The following NELL2 variants were observed in gnomAD, a reference collection of about 807,000 sequenced individuals.
NELL2 encodes the protein protein kinase C-binding protein NELL2.
In NELL2, 41 loss-of-function variants were observed where a neutral mutation model predicts 109.6. That is an observed-to-expected ratio of 0.37 (90% confidence interval 0.29 to 0.49). The LOEUF is 0.49. Among genes scored for constraint, NELL2 ranks in the 20% least tolerant of loss-of-function variants. NELL2 has a pLI of 0.98. For synonymous variants in NELL2, 355 were observed against 344.7 expected (o/e 1.03, Z -0.33); for missense variants, 900 against 1,008.3 (o/e 0.89, Z 1.45).
At chr12:44,638,637 T>C (rs983461010) in intron 13 of NELL2, among the ~76,000 whole-genome samples, 11 of 152,178 alleles carry the variant, frequency 7.2e-5, no homozygotes, top group Non-Finnish European at 1.6e-4. Flanking sequence ...TTTTGAGTTG[T>C]AGAGGATTAA....
At chr12:44,876,943 C>A (rs569020639), upstream of NELL2, 1 of 1,192,258 alleles carries the variant, frequency 8.4e-7, no homozygotes, top group Non-Finnish European at 1.1e-6. Flanking sequence ...GCTTCCCCGG[C>A]GCGGAGAGCT....
chr12:44,769,129 G>A (rs1941449531), intron 9 of NELL2, among the ~76,000 whole-genome samples: 2 of 152,008 alleles, frequency 1.3e-5, no homozygotes, highest in South Asian at 4.1e-4. Flanking sequence ...CTAAGTACTT[G>A]AGCAGCAATC....
chr12:44,539,514 T>C (rs1942449652), intron 15 of NELL2, among the ~76,000 whole-genome samples: 1 of 152,196 alleles, frequency 6.6e-6, no homozygotes. Flanking sequence ...ATGTATGTAT[T>C]GTGCATATTT....
chr12:44,610,898 T>A lies in NELL2; in HGVS notation c.1517A>T (p.His506Leu), dbSNP rs758684454. 2 of 1,613,214 alleles carry A rather than the reference T, an allele frequency of 1.2e-6. No homozygotes were observed. Among genetic ancestry groups the A allele is most frequent in the Non-Finnish European group, 1.7e-6 (2 of 1,179,354 alleles). The stretch of plus-strand genomic sequence containing the variant: ...ATAGCCCGGCTTGCAAACACAGTTG[T>A]GTCCTCCAACAGTGTTGAAGCATAA... Reference protein sequence around the residue: ...NALCFNTVGGHNCVCKPGYTG... With the variant: ...NALCFNTVGGLNCVCKPGYTG... The change falls in exon 14 of 20, where the codon CAC becomes CTC. Residue 506 changes from histidine to leucine, a missense_variant. By Grantham distance (99) the His-to-Leu change is moderately conservative. This residue lies in a region of NELL2 where 333 missense variants were observed against 432.3 expected (regional missense o/e 0.77). Transcript: ENST00000429094.
chr12:44,668,193 T>C (rs1948002869), intron 12 of NELL2, among the ~76,000 whole-genome samples: 1 of 152,036 alleles, frequency 6.6e-6, no homozygotes, highest in South Asian at 2.1e-4. Context: ...CCACACAATG[T>C]CCTACACACT....
chr12:44,831,753 A>G (rs1943894296), intron 2 of NELL2, among the ~76,000 whole-genome samples: 1 of 152,234 alleles, frequency 6.6e-6, no homozygotes, highest in Non-Finnish European at 1.5e-5. Context: ...AATGTCCTCC[A>G]TGAGGAAAAT....
At chr12:44,687,161 C>T (rs533471669) in intron 12 of NELL2, among the ~76,000 whole-genome samples, 2 of 152,286 alleles carry the variant, frequency 1.3e-5, no homozygotes, top group Non-Finnish European at 2.9e-5. Flanking sequence ...GGGAGTGACC[C>T]GATTTTCCAG....
chr12:44,915,443 T>C (rs1945821824), upstream of NELL2, among the ~76,000 whole-genome samples: 1 of 152,196 alleles, frequency 6.6e-6, no homozygotes, highest in African/African-American at 2.4e-5. Context: ...TGCCTTTTCA[T>C]CCTTCTGTTT....
At chr12:44,587,985 AC>A (rs1339550418) in intron 15 of NELL2, among the ~76,000 whole-genome samples, 2 of 152,080 alleles carry the variant, frequency 1.3e-5, no homozygotes, top group African/African-American at 4.8e-5. Context: ...CCCCGTCTCT[AC>A]TAAAAATACA....
chr12:44,741,010 G>A (rs994896403), intron 9 of NELL2, among the ~76,000 whole-genome samples: 4 of 152,080 alleles, frequency 2.6e-5, no homozygotes, highest in African/African-American at 9.7e-5. Flanking sequence ...AAGTACAGTT[G>A]ATCCTTGAAC....
intron 13 of NELL2, among the ~76,000 whole-genome samples, chr12:44,616,024 A>T (rs1945810843): frequency 6.6e-6 from 1 of 152,132 alleles, no homozygotes; most frequent in Non-Finnish European, 1.5e-5. Context: ...TGGCAAATAG[A>T]CACCTCCAAT....
chr12:44,740,388 T>C (rs1482891540), intron 9 of NELL2, among the ~76,000 whole-genome samples: 1 of 152,132 alleles, frequency 6.6e-6, no homozygotes, highest in Admixed American at 6.5e-5. Context: ...GAAGCAGAGG[T>C]AGAACCCTGG....
chr12:44,734,066 T>C (rs1434865897), intron 9 of NELL2, among the ~76,000 whole-genome samples: 5 of 152,024 alleles, frequency 3.3e-5, no homozygotes, highest in African/African-American at 1.2e-4. Flanking sequence ...AATAATTATT[T>C]TGTGTGCTCA....
At chr12:44,666,343 C>G (rs978108392) in intron 12 of NELL2, among the ~76,000 whole-genome samples, 2 of 152,066 alleles carry the variant, frequency 1.3e-5, no homozygotes, top group African/African-American at 2.4e-5. Flanking sequence ...TGAAACTGTC[C>G]TCATTTAATA....
chr12:44,809,894 T>A (rs1943118886), intron 3 of NELL2, among the ~76,000 whole-genome samples: 1 of 152,082 alleles, frequency 6.6e-6, no homozygotes, highest in Non-Finnish European at 1.5e-5. Context: ...TGATTAGATA[T>A]CCAGCATTAA....
intron 1 of NELL2, among the ~76,000 whole-genome samples, chr12:44,920,294 A>C (rs563897576): frequency 3.9e-4 from 59 of 152,306 alleles, no homozygotes; most frequent in Non-Finnish European, 7.5e-4. Flanking sequence ...CCATTTGGAC[A>C]TATCTTTCAA....
chr12:44,835,436 T>G (rs1592626433), intron 2 of NELL2, among the ~76,000 whole-genome samples: 1 of 152,096 alleles, frequency 6.6e-6, no homozygotes, highest in Non-Finnish European at 1.5e-5. Flanking sequence ...TTTCCAGATG[T>G]GGATGGGAGC....
At chr12:44,648,465 T>C (rs1218104235) in intron 13 of NELL2, among the ~76,000 whole-genome samples, 1 of 151,916 alleles carries the variant, frequency 6.6e-6, no homozygotes, top group Admixed American at 6.6e-5. Context: ...TAAAAAGACA[T>C]GAAACTAGAA....
chr12:44,821,010 T>C (rs745340344), intron 2 of NELL2, among the ~76,000 whole-genome samples: 29 of 150,548 alleles, frequency 1.9e-4, no homozygotes, highest in Non-Finnish European at 2.9e-5. Context: ...ACTAAGTCAG[T>C]AGCACAGCAG....
Sources: allele counts gnomAD v4.1 joint callset (sites outside exome capture counted in the v4.1 genomes callset), GRCh38; gene constraint gnomAD v4.1.1; regional missense constraint gnomAD v4.1.1; transcripts MANE v1.5; gene names NCBI Gene and HGNC (gene_info 2026-07-23, HGNC 2026-07-21).